CACNA1E: variants seen among roughly 807,000 people sequenced by gnomAD.
CACNA1E encodes the protein voltage-dependent R-type calcium channel subunit alpha-1E.
CACNA1E carries 40 observed loss-of-function variants against 259.2 expected under a neutral mutation model. The observed-to-expected ratio is 0.15, with a 90% confidence interval of 0.12 to 0.20. The LOEUF (loss-of-function observed/expected upper bound fraction) is 0.20, where lower values mean the gene tolerates loss of function less well. CACNA1E is among the 10% of genes least tolerant of loss of function. The probability of loss-of-function intolerance (pLI) is 1.00; values close to 1 mark genes in which losing one functional copy is unlikely to be tolerated. For missense variants in CACNA1E, 1,874 were observed against 3,040.1 expected (o/e 0.62, Z 9.02); for synonymous variants, 1,104 against 1,138.5 (o/e 0.97, Z 0.61).
At chr1:181,426,682 T>TG (rs1659258927) in intron 2 of CACNA1E, among the ~76,000 whole-genome samples, 1 of 136,902 alleles carries the variant, frequency 7.3e-6, no homozygotes, top group Non-Finnish European at 1.6e-5. Context: ...ATTCAACCCC[T>TG]TCACAACTCA....
chr1:181,553,230 T>G (rs12061567), intron 3 of CACNA1E, among the ~76,000 whole-genome samples: 6,479 of 152,254 alleles, frequency 0.043, 452 homozygotes, highest in African/African-American at 0.15. Context: ...CCTTGTTAGC[T>G]GTATTCCTAG....
chr1:181,731,159 C>T lies in CACNA1E; in HGVS notation c.2241-16C>T, dbSNP rs1655438820. ...GAGGTTGGGGTGAACTGAACCTGTCCATTTTTCTTCCCCAGAAGAGACAGA... is the reference window on the plus strand; with the variant it reads ...GAGGTTGGGGTGAACTGAACCTGTCTATTTTTCTTCCCCAGAAGAGACAGA... On this transcript the variant is annotated splice_polypyrimidine_tract_variant and intron_variant, in intron 18 of 47. Coordinates refer to ENST00000367573, the MANE Select transcript of CACNA1E (RefSeq NM_001205293.3). 3 of 1,611,106 alleles carry T rather than the reference C, an allele frequency of 1.9e-6. No homozygotes were observed. Among genetic ancestry groups the T allele is most frequent in the South Asian group, 2.2e-5 (2 of 90,980 alleles).
chr1:181,781,301 T>C, intron 38 of CACNA1E, 126 bp from the exon 39 acceptor site: 1 of 631,684 alleles, frequency 1.6e-6, no homozygotes, highest in South Asian at 1.8e-5. Context: ...TCGTTTTTGC[T>C]CTCTGGGAAT....
At chr1:181,762,701 G>A in intron 33 of CACNA1E, 44 bp downstream of exon 33, 3 of 1,235,334 alleles carry the variant, frequency 2.4e-6, no homozygotes, top group Non-Finnish European at 1.2e-6. Context: ...TGGCCCTGGA[G>A]TAGCATTTTT....
At chr1:181,617,009 A>G (rs933010840) in intron 6 of CACNA1E, among the ~76,000 whole-genome samples, 5 of 152,186 alleles carry the variant, frequency 3.3e-5, no homozygotes, top group Non-Finnish European at 7.3e-5. Context: ...TAGGATCTGT[A>G]GTGATGTCCT....
At position 181,600,026 on chromosome 1, in the gene CACNA1E, A is replaced by G. The variant is rs141941827; in HGVS notation, c.951+19250A>G. ...GGTAGTGATGAGTCATATGAAGACA[A>G]AGCAAAGGAAGGGGCAGAGAGTGTT... is the stretch of plus-strand genomic sequence containing the variant. On this transcript the variant is annotated intron_variant, in intron 6 of 47. Transcript: ENST00000367573. Among the ~76,000 whole-genome samples the G allele has an allele frequency of 5.2e-5, 8 of 152,384 alleles. No individual in the cohort carries two copies. The East Asian group carries it at 1.5e-3, about 29-fold the overall frequency.
At position 181,732,768 on chromosome 1, in the gene CACNA1E, G is replaced by A. The variant is rs376991322; in HGVS notation, c.2682G>A (p.Pro894=). The change falls in exon 20 of 48, where the codon CCG becomes CCA. Residue 894 remains proline (P), a synonymous_variant. Transcript: ENST00000367573. This position sits in a 1 kb window ranked among gnomAD's most constrained non-coding sequence, Gnocchi z 5.5. ...LARPCHGNCD[P]TQQEAGGGEA... is the part of the protein sequence containing the mutation. ...GGCCCTGTCATGGAAACTGTGACCCGACTCAGCAGGAGGCAGGGGGAGGAG... is the reference window on the plus strand; with the variant it reads ...GGCCCTGTCATGGAAACTGTGACCCAACTCAGCAGGAGGCAGGGGGAGGAG... The A allele has an allele frequency of 2.3e-5, 37 of 1,578,512 alleles. No homozygotes were observed. Among genetic ancestry groups the A allele is most frequent in the African/African-American group, 9.4e-5 (7 of 74,102 alleles).
At position 181,807,044 on chromosome 1, in the gene CACNA1E, G is replaced by A. The variant is rs1662677433; in HGVS notation, c.*8210G>A. The A allele has an allele frequency of 6.6e-6, 1 of 151,538 alleles. No homozygotes were observed. Among genetic ancestry groups the A allele is most frequent in the Non-Finnish European group, 1.5e-5 (1 of 67,974 alleles). 9.4% of individuals were successfully genotyped at this position (151,538 alleles called of 1,614,324 possible). A position where few individuals can be genotyped will look rare whatever the true frequency, so the allele number is the denominator to read the frequency against. ...GTGGTAGCTCGTATGTGTTACCCCA[G>A]CTATTCAGGAAGCTAGGGCAGAAGG... is the stretch of plus-strand genomic sequence containing the variant. On this transcript the variant is annotated 3_prime_UTR_variant, in exon 48 of 48. Coordinates refer to ENST00000367573, the MANE Select transcript of CACNA1E (RefSeq NM_001205293.3).
chr1:181,627,020 G>A (rs746253657), intron 6 of CACNA1E, among the ~76,000 whole-genome samples: 2 of 152,140 alleles, frequency 1.3e-5, no homozygotes, highest in Admixed American at 6.5e-5. Context: ...GGTAATGATT[G>A]TGGGTAATTT....
intron 6 of CACNA1E, among the ~76,000 whole-genome samples, chr1:181,582,578 G>A (rs1333991461): frequency 6.6e-6 from 1 of 152,198 alleles, no homozygotes; most frequent in Non-Finnish European, 1.5e-5. Context: ...GTCCTCTTTA[G>A]CCAAGATTCA....
At chr1:181,478,640 A>C (rs201362078), upstream of CACNA1E, among the ~76,000 whole-genome samples, 2 of 114,968 alleles carry the variant, frequency 1.7e-5, no homozygotes, top group Admixed American at 8.3e-5. Context: ...TGTAACTGGC[A>C]GGGTGGGGGA....
chr1:181,579,034 G>T, intron 4 of CACNA1E, 38 bp from the exon 5 acceptor site: 1 of 1,558,778 alleles, frequency 6.4e-7, no homozygotes, highest in African/African-American at 1.4e-5. Context: ...TGGTGCTGAG[G>T]GACAGCTGCA....
intron 1 of CACNA1E, among the ~76,000 whole-genome samples, chr1:181,398,977 G>A (rs1656889882): frequency 6.6e-6 from 1 of 152,192 alleles, no homozygotes; most frequent in Admixed American, 6.5e-5. Context: ...GGTCACTTCA[G>A]AAATTCTGTC....
chr1:181,422,040 C>G (rs1658786897), intron 2 of CACNA1E, among the ~76,000 whole-genome samples: 1 of 152,216 alleles, frequency 6.6e-6, no homozygotes. Flanking sequence ...CTGTTTATGT[C>G]TCTACCCTGG....
At chr1:181,349,872 C>T (rs1652900175) in intron 1 of CACNA1E, among the ~76,000 whole-genome samples, 1 of 152,202 alleles carries the variant, frequency 6.6e-6, no homozygotes, top group African/African-American at 2.4e-5. Flanking sequence ...CTCTTACCAA[C>T]AGCTGTGTGA....
rs745356083 is a variant in CACNA1E, at chr1:181,790,589, C to T, written c.5898+33C>T. ...CATGAGTTATATGACCTCAAAACTA[C>T]TTCCTTGGTTTCCTGATCCCTCTCA... On this transcript the variant is annotated intron_variant, in intron 44 of 47. Transcript: ENST00000367573. 5 of 1,271,642 alleles carry T rather than the reference C, an allele frequency of 3.9e-6. No individual in the cohort carries two copies. In the Admixed American group the frequency reaches 6.7e-5, roughly 17 times the overall value. 78.8% of individuals were successfully genotyped at this position (1,271,642 alleles called of 1,614,324 possible).
chr1:181,441,359 T>G (rs1454312581), intron 2 of CACNA1E, among the ~76,000 whole-genome samples: 2 of 152,110 alleles, frequency 1.3e-5, no homozygotes, highest in African/African-American at 2.4e-5. Context: ...CCCATGTTGG[T>G]CAGGATGGTC....
chr1:181,381,923 A>G (rs947584731), intron 1 of CACNA1E, among the ~76,000 whole-genome samples: 1 of 152,184 alleles, frequency 6.6e-6, no homozygotes, highest in Non-Finnish European at 1.5e-5. Flanking sequence ...CTAGTTGAGA[A>G]TGTGGAACTA....
At chr1:181,711,759 G>C (rs979309814) in intron 8 of CACNA1E, among the ~76,000 whole-genome samples, 1 of 152,076 alleles carries the variant, frequency 6.6e-6, no homozygotes, top group Non-Finnish European at 1.5e-5. Context: ...GAGTGAGCTG[G>C]GGTGCCCAAG....
Sources: gnomAD v4.1 joint callset for allele counts (sites outside exome capture counted in the v4.1 genomes callset) on GRCh38, gnomAD v4.1.1 for gene constraint, Gnocchi (gnomAD v3.1) non-coding constraint, MANE v1.5 for transcripts, NCBI Gene and HGNC (gene_info 2026-07-23, HGNC 2026-07-21) for gene names.